The following DYNC2H1 variants were observed in gnomAD, a reference collection of about 807,000 sequenced individuals.
DYNC2H1 encodes dynein cytoplasmic 2 heavy chain 1.
A neutral mutation model predicts 570.0 loss-of-function variants in DYNC2H1; 410 were observed. The observed-to-expected ratio is 0.72, with a 90% CI of 0.66 to 0.78. The LOEUF is 0.78. Among genes scored for constraint, DYNC2H1 ranks in the 30% least tolerant of loss-of-function variants. DYNC2H1 has a pLI of 0.00. For synonymous variants in DYNC2H1, 1,688 were observed against 1,677.6 expected (o/e 1.01, Z -0.15); for missense variants, 4,865 against 5,046.4 (o/e 0.96, Z 1.09).
intron 83 of DYNC2H1, among the ~76,000 whole-genome samples, chr11:103,360,615 T>G (rs1940593284): frequency 6.6e-6 from 1 of 152,194 alleles, no homozygotes; most frequent in Non-Finnish European, 1.5e-5. Flanking sequence ...AAGCAAATTA[T>G]TATTATTTAT....
At position 103,289,688 on chromosome 11, in the gene DYNC2H1, G is replaced by C. The variant is rs979408804; in HGVS notation, c.11095+2083G>C. On this transcript the variant is annotated intron_variant, in intron 75 of 88. Transcript: ENST00000375735. The surrounding 1 kb of genome is among the most constrained non-coding windows in gnomAD (Gnocchi z 4.2). ...AAGTGGGAGGATTTCTTGAACTCAG[G>C]AGTTCAAGGTTGCAGTGAGCTGTGA... is the stretch of plus-strand genomic sequence containing the variant. Among the ~76,000 whole-genome samples, 23 of 152,094 alleles carry C rather than the reference G, an allele frequency of 1.5e-4. No homozygotes were observed. The highest frequency in any genetic ancestry group is 2.9e-4 in the Non-Finnish European group (20 of 68,002).
intron 59 of DYNC2H1, among the ~76,000 whole-genome samples, chr11:103,230,415 A>T (rs1438492032): frequency 6.6e-6 from 1 of 152,112 alleles, no homozygotes; most frequent in African/African-American, 2.4e-5. Flanking sequence ...GGTGTCAGTC[A>T]TTTTACTGTA....
At chr11:103,210,219 G>C (rs1171172364) in intron 53 of DYNC2H1, among the ~76,000 whole-genome samples, 1 of 151,870 alleles carries the variant, frequency 6.6e-6, no homozygotes, top group Non-Finnish European at 1.5e-5. Flanking sequence ...TCTGACCTGA[G>C]TGATTTGAAG....
In DYNC2H1 at chr11:103,156,415, G is replaced by A. The variant is rs746130780; in HGVS notation, c.3772G>A (p.Val1258Ile). ...TTTAAATAGTCGGGCACAAGGTGAA[G>A]TTACAATCAGAGAAGCTTTACGTGA... Reference protein sequence around the residue: ...KDLNSRAQGEVTIREALRELD... With the variant: ...KDLNSRAQGEITIREALRELD... The change falls in exon 26 of 89, where the codon GTT becomes ATT. Residue 1258 changes from valine (V) to isoleucine (I), a missense_variant. Val to Ile is a conservative substitution (Grantham distance 29). Around this residue, in one of 5 missense-constraint regions of DYNC2H1, gnomAD observed 1,936 missense variants for 1,962.1 expected, o/e 0.99. Coordinates refer to ENST00000375735, the MANE Select transcript of DYNC2H1 (RefSeq NM_001377.3). The A allele has an allele frequency of 1.2e-6, 2 of 1,613,536 alleles. No individual in the cohort carries two copies. The highest frequency in any genetic ancestry group is 1.1e-5 in the South Asian group (1 of 90,986).
chr11:103,396,170 T>C (rs1293994426), intron 83 of DYNC2H1, among the ~76,000 whole-genome samples: 1 of 152,190 alleles, frequency 6.6e-6, no homozygotes, highest in African/African-American at 2.4e-5. Context: ...TTACATCTTA[T>C]GAATTTCACT....
At chr11:103,220,078 A>G (rs748046152) in intron 56 of DYNC2H1, 50 bp downstream of exon 56, 4 of 1,024,170 alleles carry the variant, frequency 3.9e-6, no homozygotes, top group African/African-American at 1.7e-5. Context: ...CTTACCAGTT[A>G]TATGTAGGAA....
chr11:103,243,842 GA>G lies in DYNC2H1; in HGVS notation c.9918+55del. The G allele has an allele frequency of 1.4e-6, 2 of 1,394,668 alleles. No individual in the cohort carries two copies. Among genetic ancestry groups the G allele is most frequent in the Non-Finnish European group, 9.8e-7 (1 of 1,016,592 alleles). 86.4% of individuals were successfully genotyped at this position (1,394,668 alleles called of 1,614,324 possible). A position where few individuals can be genotyped will look rare whatever the true frequency, so the allele number is the denominator to read the frequency against. ...CCAATTAGGAATGACCTCTTATAGT[GA>G]AAAGATCTTGGAGTCTATAATCAGA... is the stretch of plus-strand genomic sequence containing the variant. On this transcript the variant is annotated intron_variant, in intron 64 of 88. Transcript: ENST00000375735. This position sits in a 1 kb window ranked among gnomAD's most constrained non-coding sequence, Gnocchi z 4.8.
In DYNC2H1 at chr11:103,414,878, A is replaced by T. The variant is rs956341925; in HGVS notation, c.12366+15006A>T. Reference sequence around the variant, plus strand: ...GATAAAACCACTGCTCAAGGAAATAAGACAGGACACAAACAAATAGAAAAA... The same window carrying T: ...GATAAAACCACTGCTCAAGGAAATATGACAGGACACAAACAAATAGAAAAA... On this transcript the variant is annotated intron_variant, in intron 84 of 88. Transcript: ENST00000375735. Among the ~76,000 whole-genome samples, 8 of 152,324 alleles carry T rather than the reference A, an allele frequency of 5.3e-5. No individual in the cohort carries two copies. In the South Asian group the frequency reaches 1.2e-3, roughly 24 times the overall value.
intron 79 of DYNC2H1, among the ~76,000 whole-genome samples, chr11:103,312,840 TCCC>T (rs1032085383): frequency 6.6e-6 from 1 of 152,172 alleles, no homozygotes. Context: ...AGTCAGTTCT[TCCC>T]AATAAAAGCC....
chr11:103,469,593 A>G (rs1056169626), intron 88 of DYNC2H1, among the ~76,000 whole-genome samples: 1 of 152,198 alleles, frequency 6.6e-6, no homozygotes, highest in African/African-American at 2.4e-5. Flanking sequence ...TTAAAAAGCG[A>G]TAGCAGTTAG....
At chr11:103,168,732 T>C in intron 31 of DYNC2H1, 23 bp from the exon 32 acceptor site, 1 of 1,605,758 alleles carries the variant, frequency 6.2e-7, no homozygotes, top group Non-Finnish European at 8.5e-7. Context: ...TCTCCAATTG[T>C]CAATATTTTT....
Position 103,143,361 on chromosome 11 carries a change from A to C in DYNC2H1, c.2668A>C (p.Lys890Gln). The change falls in exon 18 of 89, where the codon AAA becomes CAA. Residue 890 changes from lysine to glutamine, a missense_variant. By Grantham distance (53) the Lys-to-Gln change is moderately conservative. Around this residue, in one of 5 missense-constraint regions of DYNC2H1, gnomAD observed 1,936 missense variants for 1,962.1 expected, o/e 0.99. Transcript: ENST00000375735. ...TTGGGAGAAAAATTTTAAAGCATTA[A>C]AAATAAAGGGGAAAGAAGTAGAACG... ...HDWEKNFKAL[K>Q]IKGKEVERLP... is the part of the protein sequence containing the mutation. 6.2e-7 allele frequency: 1 copy of C among 1,612,516 alleles called. No individual in the cohort carries two copies. The highest frequency in any genetic ancestry group is 2.2e-5 in the East Asian group (1 of 44,778).
At chr11:103,427,717 A>G (rs55994972) in intron 84 of DYNC2H1, among the ~76,000 whole-genome samples, 1,615 of 152,184 alleles carry the variant, frequency 0.011, 14 homozygotes, top group Non-Finnish European at 0.015. Flanking sequence ...TTACAAGGGC[A>G]CTAATCCCAC....
chr11:103,129,153 A>G lies in DYNC2H1; in HGVS notation c.1953+148A>G, dbSNP rs2134750265. ...ACTTCCTTCAATCTTAGCAAGTAAA[A>G]TTATTTTTTCTAACTGTAGGTTTAA... On this transcript the variant is annotated intron_variant, in intron 13 of 88. Transcript: ENST00000375735. This position sits in a 1 kb window ranked among gnomAD's most constrained non-coding sequence, Gnocchi z 4.1. 1.6e-6 allele frequency: 1 copy of G among 623,066 alleles called. No individual in the cohort carries two copies. Among genetic ancestry groups the G allele is most frequent in the African/African-American group, 1.9e-5 (1 of 52,786 alleles). 38.6% of individuals were successfully genotyped at this position (623,066 alleles called of 1,614,324 possible). A position where few individuals can be genotyped will look rare whatever the true frequency, so the allele number is the denominator to read the frequency against.
chr11:103,249,338 G>C lies in DYNC2H1; in HGVS notation c.10043-3947G>C, dbSNP rs146738750. Among the ~76,000 whole-genome samples the C allele has an allele frequency of 3.8e-4, 58 of 151,956 alleles. 1 individual carries two copies. Among genetic ancestry groups the C allele is most frequent in the African/African-American group, 1.4e-3 (57 of 41,526 alleles). ...CCCATGACTAGTTCTACTCACCAAA[G>C]AAAAACTTTTTTTATTTTAACTTTT... On this transcript the variant is annotated intron_variant, in intron 65 of 88. Transcript: ENST00000375735. This position sits in a 1 kb window ranked among gnomAD's most constrained non-coding sequence, Gnocchi z 4.6.
rs1488542 is a variant in DYNC2H1, at chr11:103,151,204, T to C, written c.2947-932T>C. Among the ~76,000 whole-genome samples the C allele has an allele frequency of 0.33, 50,064 of 151,936 alleles. 8,658 individuals carry two copies. The highest frequency in any genetic ancestry group is 0.39 in the Middle Eastern group (114 of 294). On this transcript the variant is annotated intron_variant, in intron 20 of 88. Transcript: ENST00000375735. The surrounding 1 kb of genome is among the most constrained non-coding windows in gnomAD (Gnocchi z 4.6). ...GCCTCAAACTCCTGGGCTCAAGCAG[T>C]GTTCCTGCTTCAGCCTCCTCAGTAG...
At chr11:103,308,822 C>T (rs220326) in intron 78 of DYNC2H1, among the ~76,000 whole-genome samples, 147,001 of 152,246 alleles carry the variant, frequency 0.97, 71,184 homozygotes, top group Middle Eastern at 1. Flanking sequence ...TCTTTGCCTA[C>T]TTTTAAAATT....
chr11:103,248,841 TC>T (rs1565429835), intron 65 of DYNC2H1, among the ~76,000 whole-genome samples: 1 of 151,914 alleles, frequency 6.6e-6, no homozygotes, highest in Non-Finnish European at 1.5e-5. Flanking sequence ...TATCCATGTA[TC>T]CAAGCACCCC....
intron 25 of DYNC2H1, 58 bp downstream of exon 25, chr11:103,155,559 G>T: frequency 6.7e-7 from 1 of 1,487,456 alleles, no homozygotes; most frequent in Non-Finnish European, 9.0e-7. Context: ...ATACAATATT[G>T]CTTCATATTT....
Sources: allele counts gnomAD v4.1 joint callset (sites outside exome capture counted in the v4.1 genomes callset), GRCh38; gene constraint gnomAD v4.1.1; regional missense constraint gnomAD v4.1.1; non-coding constraint Gnocchi (gnomAD v3.1); transcripts MANE v1.5; gene names NCBI Gene and HGNC (gene_info 2026-07-23, HGNC 2026-07-21).